The following PAPPA2 variants were observed in gnomAD, a reference collection of about 807,000 sequenced individuals.
PAPPA2 encodes the protein pappalysin-2.
A neutral mutation model predicts 176.4 loss-of-function variants in PAPPA2; 86 were observed. The observed-to-expected ratio is 0.49, with a 90% CI of 0.41 to 0.58. The LOEUF is 0.58. Ranked by LOEUF, PAPPA2 falls within the 20% of genes least tolerant of loss-of-function variation. The pLI, the probability that PAPPA2 is intolerant of heterozygous loss-of-function variation, is 0.00. For synonymous variants in PAPPA2, 809 were observed against 852.2 expected, an observed-to-expected ratio of 0.95 and a Z score of 0.88; for missense variants, 2,073 against 2,256.9, an observed-to-expected ratio of 0.92 and a Z score of 1.65.
intron 2 of PAPPA2, among the ~76,000 whole-genome samples, chr1:176,564,068 T>TC (rs1038956639): frequency 4.9e-4 from 74 of 152,070 alleles, no homozygotes; most frequent in Non-Finnish European, 7.1e-4. Flanking sequence ...CTCGGAATTG[T>TC]CCCCCCCAGT....
intron 1 of PAPPA2, among the ~76,000 whole-genome samples, chr1:176,507,943 G>A (rs1438261999): frequency 1.3e-5 from 2 of 151,974 alleles, no homozygotes; most frequent in Non-Finnish European, 2.9e-5. Context: ...AAGCAGAAAA[G>A]CTACCAGAAT....
chr1:176,792,533 T>C (rs145001310), intron 19 of PAPPA2, among the ~76,000 whole-genome samples: 223 of 152,300 alleles, frequency 1.5e-3, no homozygotes, highest in Non-Finnish European at 2.2e-3. Context: ...ATTTCTGCGT[T>C]AAAATATCAT....
At chr1:176,754,268 C>T (rs1663317267) in intron 14 of PAPPA2, among the ~76,000 whole-genome samples, 1 of 152,062 alleles carries the variant, frequency 6.6e-6, no homozygotes, top group Non-Finnish European at 1.5e-5. Flanking sequence ...AGGTCCACCC[C>T]CAAGGAATAG....
At position 176,813,503 on chromosome 1, in the gene PAPPA2, C is replaced by G. The variant is rs548474232; in HGVS notation, c.5202+13371C>G. ...CATTCTCACTGGCATGAAATGATATCTCATTGTGGTTTTGATTTGCATTTC... is the reference window on the plus strand; with the variant it reads ...CATTCTCACTGGCATGAAATGATATGTCATTGTGGTTTTGATTTGCATTTC... On this transcript the variant is annotated intron_variant, in intron 21 of 22. Transcript: ENST00000367662. 3.3e-5 allele frequency among the ~76,000 whole-genome samples: 5 copies of G among 152,274 alleles called. No individual in the cohort carries two copies. The East Asian group carries it at 7.7e-4, about 24-fold the overall frequency.
At chr1:176,827,605 G>A (rs1424544793) in intron 21 of PAPPA2, among the ~76,000 whole-genome samples, 1 of 151,996 alleles carries the variant, frequency 6.6e-6, no homozygotes, top group Non-Finnish European at 1.5e-5. Flanking sequence ...ATTACTCTGG[G>A]AACTGACCTT....
At position 176,483,789 on chromosome 1, in the gene PAPPA2, C is replaced by T. The variant is rs532737415; in HGVS notation, c.-917+20371C>T. ...CAGCCTCAGACATCTTTTAATGGGG[C>T]GTGGTTGCCTCAAGAAAGGGAAGAT... On this transcript the variant is annotated intron_variant, in intron 1 of 22. Transcript: ENST00000367662. Among the ~76,000 whole-genome samples, 8 of 152,004 alleles carry T rather than the reference C, an allele frequency of 5.3e-5. No homozygotes were observed. The East Asian group carries it at 5.8e-4, about 11-fold the overall frequency.
intron 21 of PAPPA2, among the ~76,000 whole-genome samples, chr1:176,821,804 G>A (rs908007492): frequency 2.6e-5 from 4 of 152,202 alleles, no homozygotes; most frequent in African/African-American, 7.2e-5. Context: ...TCTGCTGACA[G>A]TGGACTCATG....
intron 17 of PAPPA2, among the ~76,000 whole-genome samples, chr1:176,773,504 A>AAAACAAAC (rs374537910): frequency 5.9e-5 from 9 of 152,148 alleles, no homozygotes; most frequent in African/African-American, 1.9e-4. Context: ...ACAGTGTAGT[A>AAAACAAAC]AAACAAACAA....
chr1:176,837,263 G>C (rs985733189), intron 21 of PAPPA2, among the ~76,000 whole-genome samples: 5 of 152,192 alleles, frequency 3.3e-5, no homozygotes, highest in Admixed American at 1.3e-4. Context: ...CATAAGAAGA[G>C]TAGTCCAAGC....
intron 21 of PAPPA2, among the ~76,000 whole-genome samples, chr1:176,825,405 T>C (rs1364226579): frequency 2.6e-5 from 4 of 152,238 alleles, no homozygotes; most frequent in Admixed American, 2.6e-4. Flanking sequence ...TTGTAATTAA[T>C]TTCATATCTT....
chr1:176,515,536 A>G (rs762581959), intron 1 of PAPPA2, among the ~76,000 whole-genome samples: 23 of 152,156 alleles, frequency 1.5e-4, no homozygotes, highest in Non-Finnish European at 3.1e-4. Context: ...TGCCAAACCT[A>G]AACAGATTTC....
chr1:176,734,936 G>A (rs2102867226), intron 12 of PAPPA2, among the ~76,000 whole-genome samples: 1 of 152,230 alleles, frequency 6.6e-6, no homozygotes, highest in Admixed American at 6.5e-5. Flanking sequence ...TCTGGGGGGA[G>A]TAAAAGCACA....
intron 6 of PAPPA2, among the ~76,000 whole-genome samples, chr1:176,695,275 T>C (rs1353316652): frequency 6.6e-6 from 1 of 152,212 alleles, no homozygotes; most frequent in African/African-American, 2.4e-5. Flanking sequence ...TTTTATTTTA[T>C]GTAAGTGATT....
At chr1:176,494,865 T>A (rs1176316495) in intron 1 of PAPPA2, among the ~76,000 whole-genome samples, 3 of 152,238 alleles carry the variant, frequency 2.0e-5, no homozygotes, top group Non-Finnish European at 4.4e-5. Context: ...CATCTAACTG[T>A]AAATTTCAGC....
chr1:176,651,903 T>C (rs1657747671), intron 3 of PAPPA2, among the ~76,000 whole-genome samples: 1 of 151,644 alleles, frequency 6.6e-6, no homozygotes, highest in African/African-American at 2.4e-5. Flanking sequence ...TTTTTTCCTC[T>C]GCTTGCTTCA....
chr1:176,623,664 TTTC>T (rs1393778752), intron 3 of PAPPA2, among the ~76,000 whole-genome samples: 32 of 110,484 alleles, frequency 2.9e-4, no homozygotes, highest in Non-Finnish European at 4.5e-4. Flanking sequence ...TCTTTCTTTC[TTTC>T]TTTTTCTTTC....
At chr1:176,512,141 T>C (rs1648636488) in intron 1 of PAPPA2, among the ~76,000 whole-genome samples, 1 of 150,356 alleles carries the variant, frequency 6.7e-6, no homozygotes, top group African/African-American at 2.5e-5. Context: ...TGTACAAATA[T>C]GTTCAATAAA....
At chr1:176,625,943 A>T (rs964647723) in intron 3 of PAPPA2, among the ~76,000 whole-genome samples, 1 of 152,226 alleles carries the variant, frequency 6.6e-6, no homozygotes, top group African/African-American at 2.4e-5. Context: ...GGATCACTTG[A>T]GTCTAGGAGG....
chr1:176,693,592 A>G (rs1162772826), intron 6 of PAPPA2, among the ~76,000 whole-genome samples: 1 of 152,188 alleles, frequency 6.6e-6, no homozygotes, highest in Non-Finnish European at 1.5e-5. Context: ...CAGGGATAGG[A>G]GGAAGCTGGT....
Sources: allele counts gnomAD v4.1 joint callset (sites outside exome capture counted in the v4.1 genomes callset), GRCh38; gene constraint gnomAD v4.1.1; transcripts MANE v1.5; gene names NCBI Gene and HGNC (gene_info 2026-07-23, HGNC 2026-07-21).